The following ATF7IP2 variants were observed in gnomAD, a reference collection of about 807,000 sequenced individuals.
ATF7IP2 encodes activating transcription factor 7 interacting protein 2.
In ATF7IP2, 42 loss-of-function variants were observed where a neutral mutation model predicts 64.2. The observed-to-expected ratio is 0.65, with a 90% CI of 0.51 to 0.85. The LOEUF is 0.85. ATF7IP2 is among the 40% of genes least tolerant of loss of function. The probability of loss-of-function intolerance (pLI) is 0.00; values close to 1 mark genes in which losing one functional copy is unlikely to be tolerated. For missense variants in ATF7IP2, 933 were observed against 784.2 expected, an observed-to-expected ratio of 1.19 and a Z score of -2.27; for synonymous variants, 308 against 272.8, an observed-to-expected ratio of 1.13 and a Z score of -1.27.
chr16:10,479,560 G>T (rs1310790977), intron 12 of ATF7IP2, among the ~76,000 whole-genome samples: 1 of 151,812 alleles, frequency 6.6e-6, no homozygotes, highest in African/African-American at 2.4e-5. Context: ...TAAATGACGA[G>T]TTAATGGGTG....
At chr16:10,398,884 C>T (rs2047472711) in intron 1 of ATF7IP2, among the ~76,000 whole-genome samples, 1 of 152,112 alleles carries the variant, frequency 6.6e-6, no homozygotes, top group South Asian at 2.1e-4. Context: ...GAGGCCGAGG[C>T]AGGCAGATCA....
At chr16:10,443,048 G>A (rs183527662) in intron 8 of ATF7IP2, among the ~76,000 whole-genome samples, 2 of 152,220 alleles carry the variant, frequency 1.3e-5, no homozygotes, top group African/African-American at 4.8e-5. Flanking sequence ...CCTTTTCCTG[G>A]TTGATGGAAT....
Position 10,433,578 on chromosome 16 carries a change from A to C in ATF7IP2, c.889A>C (p.Met297Leu). 1 of 1,613,510 alleles carries C rather than the reference A, an allele frequency of 6.2e-7. No homozygotes were observed. Among genetic ancestry groups the C allele is most frequent in the Non-Finnish European group, 8.5e-7 (1 of 1,179,386 alleles). ...FSENEENVKR[M>L]KTSEQINENI... Reference sequence around the variant, plus strand: ...AGAAAACGAGGAAAATGTTAAACGCATGAAAACTTCAGAGCAAATTAATGA... The same window carrying C: ...AGAAAACGAGGAAAATGTTAAACGCCTGAAAACTTCAGAGCAAATTAATGA... The change falls in exon 6 of 14, where the codon ATG (methionine) becomes CTG (leucine). Residue 297 changes from methionine (M) to leucine (L), a missense_variant. Physicochemically the swap from Met to Leu is conservative, Grantham distance 15. Transcript: ENST00000562102.
intron 2 of ATF7IP2, among the ~76,000 whole-genome samples, chr16:10,415,284 C>T (rs1388012866): frequency 6.6e-6 from 1 of 152,108 alleles, no homozygotes; most frequent in Non-Finnish European, 1.5e-5. Flanking sequence ...ACAGACCAAA[C>T]AGTAGAACAG....
chr16:10,481,374 G>A lies in ATF7IP2; in HGVS notation c.1635+410G>A, dbSNP rs949617849. ...GCCTCCCGAGTAGCTGGGATTTCCCGAGTAGCTGGGATTTCCCGAGTAGCT... is the reference window on the plus strand; with the variant it reads ...GCCTCCCGAGTAGCTGGGATTTCCCAAGTAGCTGGGATTTCCCGAGTAGCT... On this transcript the variant is annotated intron_variant, in intron 13 of 13. Coordinates refer to ENST00000562102, the MANE Select transcript of ATF7IP2 (RefSeq NM_001393719.1). Among the ~76,000 whole-genome samples, 15 of 39,322 alleles carry A rather than the reference G, an allele frequency of 3.8e-4. No homozygotes were observed. In the Admixed American group the frequency reaches 4.2e-3, roughly 11 times the overall value. 25.8% of individuals were successfully genotyped at this position (39,322 alleles called of 152,430 possible).
chr16:10,462,768 A>G (rs2049417882), intron 9 of ATF7IP2, among the ~76,000 whole-genome samples: 1 of 152,064 alleles, frequency 6.6e-6, no homozygotes, highest in African/African-American at 2.4e-5. Context: ...AATTCTTGAC[A>G]TTATTGCTTC....
At chr16:10,404,704 AT>A in intron 1 of ATF7IP2, among the ~76,000 whole-genome samples, 1 of 152,044 alleles carries the variant, frequency 6.6e-6, no homozygotes, top group South Asian at 2.1e-4. Context: ...TGCCCAGATA[AT>A]TTTTTTGTAT....
chr16:10,480,858 T>G, intron 12 of ATF7IP2, 21 bp from the exon 13 acceptor site: 1 of 1,540,214 alleles, frequency 6.5e-7, no homozygotes, highest in Non-Finnish European at 9.0e-7. Flanking sequence ...ATTTACTTCT[T>G]AAACCTTGTG....
chr16:10,473,396 C>G (rs1567176167), intron 10 of ATF7IP2, 83 bp from the exon 11 acceptor site: 7 of 827,978 alleles, frequency 8.5e-6, no homozygotes, highest in African/African-American at 1.7e-5. Flanking sequence ...ATTAGCATCC[C>G]TATTATTTTG....
intron 3 of ATF7IP2, among the ~76,000 whole-genome samples, chr16:10,421,789 G>A (rs1161980143): frequency 2.6e-5 from 4 of 152,202 alleles, no homozygotes; most frequent in East Asian, 1.9e-4. Context: ...CCCTACATAC[G>A]TCTGGCAAAT....
intron 10 of ATF7IP2, among the ~76,000 whole-genome samples, chr16:10,473,185 A>T (rs2049870088): frequency 6.6e-6 from 1 of 152,238 alleles, no homozygotes; most frequent in South Asian, 2.1e-4. Flanking sequence ...GTGAATTAAA[A>T]GTGTGTGCAT....
At chr16:10,443,222 A>G (rs1294072388) in intron 8 of ATF7IP2, among the ~76,000 whole-genome samples, 2 of 152,216 alleles carry the variant, frequency 1.3e-5, no homozygotes, top group African/African-American at 4.8e-5. Flanking sequence ...AGCTCACTGC[A>G]TCCCTTTAGG....
At position 10,431,471 on chromosome 16, in the gene ATF7IP2, T is replaced by C. The variant is rs77805651; in HGVS notation, c.835+16T>C. 6.5e-4 allele frequency: 963 copies of C among 1,489,142 alleles called. 11 individuals carry two copies. The East Asian group carries it at 0.017, about 27-fold the overall frequency. 92.2% of individuals were successfully genotyped at this position (1,489,142 alleles called of 1,614,324 possible). A position where few individuals can be genotyped will look rare whatever the true frequency, so the allele number is the denominator to read the frequency against. On this transcript the variant is annotated intron_variant, in intron 5 of 13. Coordinates refer to ENST00000562102, the MANE Select transcript of ATF7IP2 (RefSeq NM_001393719.1). ...AATAACAACAGTAAGTATATACTTATGCACCTTTTAGAAAAATTAAAATAG... is the reference window on the plus strand; with the variant it reads ...AATAACAACAGTAAGTATATACTTACGCACCTTTTAGAAAAATTAAAATAG...
At chr16:10,413,397 T>C (rs2047810269) in intron 1 of ATF7IP2, among the ~76,000 whole-genome samples, 1 of 152,202 alleles carries the variant, frequency 6.6e-6, no homozygotes, top group East Asian at 1.9e-4. Flanking sequence ...ATGTCAGAAG[T>C]GCATTTTGCC....
At chr16:10,403,370 C>A (rs2047572799) in intron 1 of ATF7IP2, among the ~76,000 whole-genome samples, 1 of 152,158 alleles carries the variant, frequency 6.6e-6, no homozygotes, top group South Asian at 2.1e-4. Context: ...GAGAAAACCA[C>A]CACACTAAGG....
At position 10,480,889 on chromosome 16, in the gene ATF7IP2, A is replaced by G. The variant is rs34073222; in HGVS notation, c.1560A>G (p.Val520=). 71 of 1,609,754 alleles carry G rather than the reference A, an allele frequency of 4.4e-5. No homozygotes were observed. The African/African-American group carries it at 8.9e-4, about 20-fold the overall frequency. ...TTGTGTTGTTCACAGAAAGTCCAGT[A>G]TCCCCCCTGGAGTCACATTCGAAAG... ...GLSNCNTESP[V]SPLESHSKAA... is the part of the protein sequence containing the mutation. Residue 520 remains valine (V), a synonymous_variant, in exon 13 of 14, where the codon GTA becomes GTG. Coordinates refer to ENST00000562102, the MANE Select transcript of ATF7IP2 (RefSeq NM_001393719.1).
At chr16:10,460,832 G>A (rs1025729416) in intron 9 of ATF7IP2, among the ~76,000 whole-genome samples, 1 of 152,118 alleles carries the variant, frequency 6.6e-6, no homozygotes. Flanking sequence ...AAGAAAAATT[G>A]ATTAATTTTA....
chr16:10,471,464 G>T (rs751636443), intron 9 of ATF7IP2, among the ~76,000 whole-genome samples: 6 of 152,106 alleles, frequency 3.9e-5, no homozygotes, highest in Non-Finnish European at 7.4e-5. Context: ...GGAGACAGAG[G>T]TTTCGGTGAG....
chr16:10,481,904 C>T lies in ATF7IP2; in HGVS notation c.1704C>T (p.Asp568=). The change falls in exon 14 of 14, where the codon GAC becomes GAT. Residue 568 remains aspartate, a synonymous_variant. Coordinates refer to ENST00000562102, the MANE Select transcript of ATF7IP2 (RefSeq NM_001393719.1). ...EPPAPLPELV[D]KTRDTLPPQK... ...CAGCACCACTACCTGAATTAGTAGA[C>T]AAAACCCGAGACACACTTCCTCCCC... is the stretch of plus-strand genomic sequence containing the variant. 6 of 1,613,600 alleles carry T rather than the reference C, an allele frequency of 3.7e-6. No homozygotes were observed. The highest frequency in any genetic ancestry group is 5.1e-6 in the Non-Finnish European group (6 of 1,179,868).
Sources: allele counts gnomAD v4.1 joint callset (sites outside exome capture counted in the v4.1 genomes callset), GRCh38; gene constraint gnomAD v4.1.1; transcripts MANE v1.5; gene names NCBI Gene and HGNC (gene_info 2026-07-23, HGNC 2026-07-21).